UPP2: variants seen among roughly 807,000 people sequenced by gnomAD.
The protein encoded by UPP2 is UPase 2.
In UPP2, 23 loss-of-function variants were observed where a neutral mutation model predicts 26.7. That is an observed-to-expected ratio of 0.86 (90% CI 0.62 to 1.22). The LOEUF is 1.22. Ranked by LOEUF, UPP2 falls within the 50% of genes most tolerant of loss-of-function variation. The pLI is 0.00. For synonymous variants in UPP2, 127 were observed against 141.3 expected, an observed-to-expected ratio of 0.90 and a Z score of 0.72; for missense variants, 387 against 396.7, an observed-to-expected ratio of 0.98 and a Z score of 0.21.
At chr2:158,030,010 A>T (rs1260131901) in intron 3 of UPP2, among the ~76,000 whole-genome samples, 2 of 152,194 alleles carry the variant, frequency 1.3e-5, no homozygotes, top group Non-Finnish European at 2.9e-5. Context: ...GCAAAAAGGG[A>T]AGTAGTTGTA....
chr2:158,108,230 C>T (rs1683235606), intron 2 of UPP2, among the ~76,000 whole-genome samples: 1 of 152,134 alleles, frequency 6.6e-6, no homozygotes. Context: ...GTGGCACATG[C>T]AAATGGTACA....
chr2:157,998,321 G>A (rs868545696), intron 2 of UPP2, among the ~76,000 whole-genome samples: 1 of 152,024 alleles, frequency 6.6e-6, no homozygotes, highest in Admixed American at 6.5e-5. Flanking sequence ...CAGAAACCTC[G>A]AAGACTTTCC....
intron 2 of UPP2, among the ~76,000 whole-genome samples, chr2:158,108,460 CA>C (rs985862735): frequency 1.3e-5 from 2 of 151,834 alleles, no homozygotes; most frequent in African/African-American, 4.8e-5. Context: ...AAAACAAAAA[CA>C]AAAAAACAAA....
chr2:158,068,789 TA>T (rs1682482955), intron 3 of UPP2, among the ~76,000 whole-genome samples: 4 of 16,436 alleles, frequency 2.4e-4, no homozygotes, highest in African/African-American at 9.6e-4. Context: ...TATATATATA[TA>T]TATATATATA....
intron 3 of UPP2, among the ~76,000 whole-genome samples, chr2:158,053,255 AG>A (rs747509811): frequency 6.6e-6 from 1 of 152,200 alleles, no homozygotes; most frequent in East Asian, 1.9e-4. Context: ...CTGGAGGGCA[AG>A]GGTTGGGTTT....
chr2:158,048,211 T>C (rs1373343148), intron 3 of UPP2, among the ~76,000 whole-genome samples: 3 of 152,204 alleles, frequency 2.0e-5, no homozygotes, highest in Admixed American at 1.3e-4. Context: ...GAAGGAACAC[T>C]TGGACAAGAG....
chr2:158,052,535 C>A lies in UPP2; in HGVS notation c.147+36649C>A, dbSNP rs527396890. Reference sequence around the variant, plus strand: ...GCCCTGGACACCAACAGTAGCCATTCATTATATGGGTATTGAATGACTGAA... The same window carrying A: ...GCCCTGGACACCAACAGTAGCCATTAATTATATGGGTATTGAATGACTGAA... On this transcript the variant is annotated intron_variant, in intron 3 of 9. Coordinates refer to the UPP2 transcript ENST00000605860. Among the ~76,000 whole-genome samples the A allele has an allele frequency of 2.6e-5, 4 of 152,258 alleles. No homozygotes were observed. In the South Asian group the frequency reaches 8.3e-4, roughly 32 times the overall value.
At chr2:158,132,617 T>C (rs986501) in intron 6 of UPP2, among the ~76,000 whole-genome samples, 68,857 of 152,078 alleles carry the variant, frequency 0.45, 16,929 homozygotes, top group Non-Finnish European at 0.55. Flanking sequence ...GGAGAAAACA[T>C]TTCTAAACTG....
At chr2:158,068,572 T>C (rs1340876739) in intron 3 of UPP2, among the ~76,000 whole-genome samples, 2 of 151,450 alleles carry the variant, frequency 1.3e-5, no homozygotes, top group African/African-American at 2.4e-5. Flanking sequence ...GGGGCAGAAG[T>C]AGCCATTTAA....
chr2:158,088,194 C>T (rs1447070110), intron 3 of UPP2, among the ~76,000 whole-genome samples: 1 of 152,148 alleles, frequency 6.6e-6, no homozygotes, highest in East Asian at 1.9e-4. Flanking sequence ...ATTCTTTCTT[C>T]CTCTTCTTTG....
intron 3 of UPP2, among the ~76,000 whole-genome samples, chr2:158,086,016 T>A (rs966122631): frequency 6.6e-6 from 1 of 152,100 alleles, no homozygotes. Flanking sequence ...ACTGGCTTCA[T>A]TGAATGATTT....
rs377478766 is a variant in UPP2 at position 158,070,314 on chromosome 2, C to A, written c.148-31726C>A. Reference sequence around the variant, plus strand: ...TTATGTTGGTGTCATTCAGATAGGACATCTCTACCCATTCTAGACAAGCCA... The same window carrying A: ...TTATGTTGGTGTCATTCAGATAGGAAATCTCTACCCATTCTAGACAAGCCA... On this transcript the variant is annotated intron_variant, in intron 3 of 9. Transcript: ENST00000605860. Among the ~76,000 whole-genome samples, 40 of 152,288 alleles carry A rather than the reference C, an allele frequency of 2.6e-4. 1 individual carries two copies. The South Asian group carries it at 3.5e-3, about 13-fold the overall frequency.
chr2:158,015,056 A>C (rs2105143907), intron 2 of UPP2, among the ~76,000 whole-genome samples: 1 of 152,382 alleles, frequency 6.6e-6, no homozygotes, highest in Non-Finnish European at 1.5e-5. Flanking sequence ...TGATCATTAG[A>C]GAAACTAACA....
At position 158,111,846 on chromosome 2, in the gene UPP2, G is replaced by A. The variant is rs560625550; in HGVS notation, c.181-3255G>A. 1.5e-4 allele frequency among the ~76,000 whole-genome samples: 23 copies of A among 152,096 alleles called. No homozygotes were observed. In the South Asian group the frequency reaches 3.7e-3, roughly 25 times the overall value. ...AATCTACTTTTAATCAATGTTGTAC[G>A]ACTTGAAGTGGGACATATAGACCTT... On this transcript the variant is annotated intron_variant, in intron 2 of 6. Transcript: ENST00000005756.
intron 3 of UPP2, among the ~76,000 whole-genome samples, chr2:158,073,677 G>T (rs1682580712): frequency 6.6e-6 from 1 of 152,114 alleles, no homozygotes; most frequent in South Asian, 2.1e-4. Flanking sequence ...AGGAGAGAGT[G>T]GCATGACATA....
At chr2:158,043,114 T>G (rs746002210) in intron 3 of UPP2, among the ~76,000 whole-genome samples, 45 of 152,242 alleles carry the variant, frequency 3.0e-4, no homozygotes, top group Non-Finnish European at 4.0e-4. Context: ...GTTTAAAATC[T>G]GTTCACAAAC....
At chr2:158,100,707 T>C (rs1002300368), upstream of UPP2, among the ~76,000 whole-genome samples, 1 of 152,212 alleles carries the variant, frequency 6.6e-6, no homozygotes, top group African/African-American at 2.4e-5. Context: ...CTATTTTGCC[T>C]CATAGTCATC....
At chr2:158,076,930 C>T (rs951020589) in intron 3 of UPP2, among the ~76,000 whole-genome samples, 5 of 152,002 alleles carry the variant, frequency 3.3e-5, no homozygotes, top group Admixed American at 6.6e-5. Flanking sequence ...CCTAAAAACT[C>T]CACAAGGAAA....
At chr2:158,073,797 A>AT (rs1222732417) in intron 3 of UPP2, among the ~76,000 whole-genome samples, 8 of 152,336 alleles carry the variant, frequency 5.3e-5, no homozygotes, top group African/African-American at 1.9e-4. Context: ...CAGCTGAGGG[A>AT]TTTTATCAAC....
Sources: allele counts gnomAD v4.1 joint callset (sites outside exome capture counted in the v4.1 genomes callset), GRCh38; gene constraint gnomAD v4.1.1; transcripts MANE v1.5; gene names NCBI Gene and HGNC (gene_info 2026-07-23, HGNC 2026-07-21).